Variants in PTGER3 observed in about 807,000 individuals in gnomAD.
PTGER3 encodes prostaglandin E receptor 3.
PTGER3 carries 22 observed loss-of-function variants against 34.7 expected under a neutral mutation model. That is an observed-to-expected ratio of 0.63 (90% confidence interval 0.45 to 0.91). PTGER3 has a LOEUF of 0.91. Among genes scored for constraint, PTGER3 ranks in the 40% least tolerant of loss-of-function variants. The pLI is 0.00. For synonymous variants in PTGER3, 241 were observed against 230.1 expected (o/e 1.05, Z -0.43); for missense variants, 468 against 519.4 (o/e 0.90, Z 0.96).
chr1:71,021,458 A>T (rs1207614667), intron 1 of PTGER3, among the ~76,000 whole-genome samples: 1 of 152,156 alleles, frequency 6.6e-6, no homozygotes, highest in African/African-American at 2.4e-5. Flanking sequence ...CTATCAAAGG[A>T]TTCATTTCTT....
At position 71,047,549 on chromosome 1, in the gene PTGER3, T is replaced by A; in HGVS notation, c.29A>T (p.Asp10Val). ...GTTGAGGCGGGTGCAGAAGGGGGCA[T>A]CCCCTCCGTAGCCCCGGGTCTCCTT... MKETRGYGG[D>V]APFCTRLNHS... The change falls in exon 1 of 4, where the codon GAT becomes GTT. Residue 10 changes from aspartate (D) to valine (V), a missense_variant. Coordinates refer to ENST00000306666, the MANE Select transcript of PTGER3 (RefSeq NM_198719.2). 1 of 1,568,078 alleles carries A rather than the reference T, an allele frequency of 6.4e-7. No homozygotes were observed. Among genetic ancestry groups the A allele is most frequent in the Non-Finnish European group, 8.7e-7 (1 of 1,154,372 alleles).
intron 4 of PTGER3, among the ~76,000 whole-genome samples, chr1:70,932,246 G>A (rs1274763043): frequency 6.6e-6 from 1 of 152,030 alleles, no homozygotes; most frequent in Non-Finnish European, 1.5e-5. Flanking sequence ...ATCACTATCA[G>A]CATTTTTGTC....
intron 1 of PTGER3, among the ~76,000 whole-genome samples, chr1:71,013,336 T>TA (rs1657613911): frequency 6.6e-6 from 1 of 152,252 alleles, no homozygotes; most frequent in Non-Finnish European, 1.5e-5. Context: ...GAATATATTA[T>TA]ACAACACACA....
At chr1:70,904,406 G>T (rs1427287225) in intron 4 of PTGER3, among the ~76,000 whole-genome samples, 1 of 152,130 alleles carries the variant, frequency 6.6e-6, no homozygotes, top group Non-Finnish European at 1.5e-5. Flanking sequence ...ACAGTTTGGA[G>T]GGCTCTGAAG....
intron 1 of PTGER3, 88 bp downstream of exon 1, chr1:71,046,593 C>G (rs1303087234): frequency 6.9e-7 from 1 of 1,446,844 alleles, no homozygotes; most frequent in African/African-American, 1.4e-5. Flanking sequence ...GCAAACACAC[C>G]CCTGCGGGTG....
chr1:71,034,913 T>A lies in PTGER3; in HGVS notation c.897+11768A>T, dbSNP rs539213167. Among the ~76,000 whole-genome samples, 6 of 152,324 alleles carry A rather than the reference T, an allele frequency of 3.9e-5. No individual in the cohort carries two copies. The East Asian group carries it at 1.2e-3, about 29-fold the overall frequency. ...ATCACTCAACTCCTCTCAGCTTTAG[T>A]TTTCTCATCATAATAACTTTGGCGA... is the stretch of plus-strand genomic sequence containing the variant. On this transcript the variant is annotated intron_variant, in intron 1 of 3. Transcript: ENST00000306666.
intron 4 of PTGER3, among the ~76,000 whole-genome samples, chr1:70,879,263 T>TTGTTTTGTTC (rs913636175): frequency 6.6e-6 from 1 of 152,064 alleles, no homozygotes; most frequent in African/African-American, 2.4e-5. Flanking sequence ...TTGTTTTGTT[T>TTGTTTTGTTC]TGAGACAGAG....
intron 1 of PTGER3, among the ~76,000 whole-genome samples, chr1:71,025,516 T>C (rs1035308640): frequency 2.0e-5 from 3 of 149,408 alleles, no homozygotes; most frequent in African/African-American, 7.3e-5. Context: ...TTCTAATACT[T>C]AGTGTCAAAA....
intron 3 of PTGER3, among the ~76,000 whole-genome samples, chr1:70,972,975 T>C (rs1418349464): frequency 2.6e-5 from 4 of 152,074 alleles, no homozygotes; most frequent in Non-Finnish European, 5.9e-5. Context: ...TGAGCAAAAG[T>C]ATAATAAGAT....
intron 4 of PTGER3, among the ~76,000 whole-genome samples, chr1:70,927,376 A>T (rs1250263245): frequency 6.6e-6 from 1 of 152,184 alleles, no homozygotes; most frequent in Non-Finnish European, 1.5e-5. Flanking sequence ...AAGAGAAGTG[A>T]CAATTGTTTA....
intron 1 of PTGER3, among the ~76,000 whole-genome samples, chr1:71,032,198 G>A (rs1659468943): frequency 2.0e-5 from 3 of 152,140 alleles, no homozygotes; most frequent in African/African-American, 7.2e-5. Flanking sequence ...TGGTGTTAAT[G>A]GAGTATTCGT....
intron 4 of PTGER3, among the ~76,000 whole-genome samples, chr1:70,856,112 A>G (rs1480720854): frequency 2.0e-5 from 3 of 152,210 alleles, no homozygotes; most frequent in Non-Finnish European, 4.4e-5. Flanking sequence ...TGAAAGAGAA[A>G]AAAATGCTTG....
chr1:70,860,583 A>G (rs1442668569), intron 4 of PTGER3, among the ~76,000 whole-genome samples: 1 of 152,220 alleles, frequency 6.6e-6, no homozygotes, highest in African/African-American at 2.4e-5. Context: ...AAGTTTGGTG[A>G]CATTTTTGTG....
intron 4 of PTGER3, among the ~76,000 whole-genome samples, chr1:70,940,727 G>A (rs1336828419): frequency 1.3e-5 from 2 of 152,104 alleles, no homozygotes; most frequent in East Asian, 1.9e-4. Flanking sequence ...ACCTCCCCCT[G>A]GGCCCCTCCC....
downstream of PTGER3, among the ~76,000 whole-genome samples, chr1:70,948,372 A>G (rs914615024): frequency 6.6e-6 from 1 of 152,072 alleles, no homozygotes; most frequent in Non-Finnish European, 1.5e-5. Flanking sequence ...TCCTGCTGCC[A>G]TGTGAATAAG....
At chr1:70,931,216 G>A (rs746861785) in intron 4 of PTGER3, among the ~76,000 whole-genome samples, 13 of 152,224 alleles carry the variant, frequency 8.5e-5, no homozygotes, top group Non-Finnish European at 1.6e-4. Context: ...CCTGATGCAA[G>A]AGGTGGGTTC....
intron 4 of PTGER3, among the ~76,000 whole-genome samples, chr1:70,892,627 G>C (rs181999259): frequency 6.6e-6 from 1 of 152,154 alleles, no homozygotes; most frequent in East Asian, 1.9e-4. Flanking sequence ...GATCATTTGA[G>C]GTCAGGAGTT....
intron 2 of PTGER3, among the ~76,000 whole-genome samples, chr1:70,954,889 AAGGTATTC>A (rs1444818422): frequency 6.6e-6 from 1 of 152,148 alleles, no homozygotes; most frequent in Non-Finnish European, 1.5e-5. Context: ...AAATTAAAGT[AAGGTATTC>A]TATATTGTCA....
intron 2 of PTGER3, among the ~76,000 whole-genome samples, chr1:70,977,083 A>T (rs180976172): frequency 5.3e-5 from 8 of 152,280 alleles, no homozygotes; most frequent in African/African-American, 1.9e-4. Flanking sequence ...TAATTCAGTT[A>T]AGGTGGTTCA....
Sources: gnomAD v4.1 joint callset for allele counts (sites outside exome capture counted in the v4.1 genomes callset) on GRCh38, gnomAD v4.1.1 for gene constraint, MANE v1.5 for transcripts, NCBI Gene and HGNC (gene_info 2026-07-23, HGNC 2026-07-21) for gene names.